Variants in WDR41 observed in about 807,000 individuals in gnomAD.
The protein encoded by WDR41 is WD repeat-containing protein 41.
A neutral mutation model predicts 69.3 loss-of-function variants in WDR41; 63 were observed. The observed-to-expected ratio is 0.91, with a 90% CI of 0.74 to 1.12. The LOEUF (loss-of-function observed/expected upper bound fraction) is 1.12. Among genes scored for constraint, WDR41 ranks in the 50% most tolerant of loss-of-function variants. The pLI, the probability that WDR41 is intolerant of heterozygous loss-of-function variation, is 0.00. For missense variants in WDR41, 543 were observed against 534.5 expected (o/e 1.02, Z -0.16); for synonymous variants, 185 against 192.1 (o/e 0.96, Z 0.31).
intron 1 of WDR41, among the ~76,000 whole-genome samples, chr5:77,543,448 T>C (rs148597482): frequency 2.6e-5 from 4 of 151,418 alleles, no homozygotes; most frequent in Non-Finnish European, 4.4e-5. Context: ...ATAGATAGCA[T>C]AAATAAAAAA....
intron 1 of WDR41, among the ~76,000 whole-genome samples, chr5:77,513,684 A>G (rs1329982599): frequency 1.3e-5 from 2 of 152,178 alleles, no homozygotes; most frequent in African/African-American, 2.4e-5. Flanking sequence ...AAATTTAAAC[A>G]TGTTTTAACC....
At chr5:77,594,142 A>G (rs1744177002) in intron 1 of WDR41, among the ~76,000 whole-genome samples, 1 of 151,902 alleles carries the variant, frequency 6.6e-6, no homozygotes, top group African/African-American at 2.4e-5. Context: ...GGAAACCATC[A>G]TTCTCAGCAA....
At chr5:77,493,406 A>T (rs183452540), upstream of WDR41, among the ~76,000 whole-genome samples, 1 of 152,210 alleles carries the variant, frequency 6.6e-6, no homozygotes, top group Admixed American at 6.5e-5. Flanking sequence ...GCAGAAAGGA[A>T]TCACATAAAA....
Position 77,436,271 on chromosome 5 carries a change from GAT to G in WDR41, c.1215_1216del (p.Ser406IlefsTer9). 1 of 1,613,824 alleles carries G rather than the reference GAT, an allele frequency of 6.2e-7. No homozygotes were observed. Among genetic ancestry groups the G allele is most frequent in the Non-Finnish European group, 8.5e-7 (1 of 1,179,800 alleles). ...GCTAAACAGCAATACCTCCACAGATGATGAGTGTCCAATCAAATCTCCAATAA... is the reference window on the plus strand; with the variant it reads ...GCTAAACAGCAATACCTCCACAGATGGAGTGTCCAATCAAATCTCCAATAA... On this transcript the variant is annotated frameshift_variant, in exon 12 of 13. Transcript: ENST00000296679. LOFTEE classifies it high-confidence loss of function.
upstream of WDR41, among the ~76,000 whole-genome samples, chr5:77,492,849 C>G (rs996895973): frequency 6.6e-6 from 1 of 152,120 alleles, no homozygotes; most frequent in African/African-American, 2.4e-5. Flanking sequence ...TCATGGTAAA[C>G]CTATATCCTC....
At chr5:77,584,421 A>G (rs979471775) in intron 1 of WDR41, among the ~76,000 whole-genome samples, 2 of 152,224 alleles carry the variant, frequency 1.3e-5, no homozygotes, top group African/African-American at 4.8e-5. Flanking sequence ...TTGTATTTTT[A>G]TACCCTTGCA....
intron 1 of WDR41, chr5:77,583,189 T>TA (rs58456813): frequency 0.057 from 31,654 of 554,130 alleles, no homozygotes; most frequent in East Asian, 0.073. Context: ...CAAATTGAAA[T>TA]AAAAAAAAAA....
chr5:77,522,055 A>G (rs947952275), intron 1 of WDR41, among the ~76,000 whole-genome samples: 13 of 152,186 alleles, frequency 8.5e-5, no homozygotes, highest in African/African-American at 2.9e-4. Flanking sequence ...TAGAAGAATC[A>G]ATGGAACTTC....
In WDR41 at chr5:77,490,115, C is replaced by T. The variant is rs896821852; in HGVS notation, c.52-543G>A. On this transcript the variant is annotated intron_variant, in intron 1 of 12. Transcript: ENST00000296679. ...GGCTAGAGAATTTTTTTTTTTCGCACCACACGCCCAACTAATTTTTGTATT... is the reference window on the plus strand; with the variant it reads ...GGCTAGAGAATTTTTTTTTTTCGCATCACACGCCCAACTAATTTTTGTATT... Among the ~76,000 whole-genome samples, 3 of 86,662 alleles carry T rather than the reference C, an allele frequency of 3.5e-5. No homozygotes were observed. The Admixed American group carries it at 3.8e-4, about 11-fold the overall frequency. The allele number at this position is 86,662 out of a possible 152,430, so 56.9% of individuals were successfully genotyped here.
At chr5:77,488,762 A>C (rs571791789) in intron 2 of WDR41, among the ~76,000 whole-genome samples, 1 of 152,302 alleles carries the variant, frequency 6.6e-6, no homozygotes, top group South Asian at 2.1e-4. Flanking sequence ...TGAATAAGAA[A>C]AACATAGCCT....
chr5:77,445,677 A>G (rs1018580799), intron 8 of WDR41, among the ~76,000 whole-genome samples: 3 of 152,340 alleles, frequency 2.0e-5, no homozygotes, highest in Non-Finnish European at 4.4e-5. Context: ...CAAAAACCAC[A>G]TGATTATCTT....
intron 7 of WDR41, among the ~76,000 whole-genome samples, chr5:77,450,322 ACTT>A (rs1799575182): frequency 6.6e-6 from 1 of 152,214 alleles, no homozygotes; most frequent in South Asian, 2.1e-4. Flanking sequence ...GACATAAGCA[ACTT>A]CTTTTTTAAA....
rs373438966 is a variant in WDR41, at chr5:77,554,392, T to C, written c.43-64820A>G. Among the ~76,000 whole-genome samples the C allele has an allele frequency of 2.2e-4, 34 of 152,028 alleles. No homozygotes were observed. In the East Asian group the frequency reaches 6.2e-3, roughly 28 times the overall value. On this transcript the variant is annotated intron_variant, in intron 1 of 5. Coordinates refer to the WDR41 transcript ENST00000509971. ...ATTAGAAAGTGGGACCTTTGGGAGGTGATTAGGTCATAATGGTAGAGCCCT... is the reference window on the plus strand; with the variant it reads ...ATTAGAAAGTGGGACCTTTGGGAGGCGATTAGGTCATAATGGTAGAGCCCT...
intron 1 of WDR41, among the ~76,000 whole-genome samples, chr5:77,524,172 C>A (rs1268132904): frequency 6.6e-6 from 1 of 152,094 alleles, no homozygotes; most frequent in Admixed American, 6.5e-5. Context: ...GTGTAGTTAA[C>A]AAATAAAAAT....
chr5:77,512,351 AGTGAGTGT>A (rs1287770219), intron 1 of WDR41, among the ~76,000 whole-genome samples: 2 of 120,244 alleles, frequency 1.7e-5, no homozygotes, highest in African/African-American at 3.2e-5. Flanking sequence ...AGAGAGAGAG[AGTGAGTGT>A]GTGTGTGTGT....
At chr5:77,616,931 A>G (rs1263836531) in intron 1 of WDR41, among the ~76,000 whole-genome samples, 1 of 152,196 alleles carries the variant, frequency 6.6e-6, no homozygotes, top group Non-Finnish European at 1.5e-5. Context: ...ATTAAAATCT[A>G]GATAGAAATC....
At chr5:77,529,748 C>A (rs1055013330) in intron 1 of WDR41, among the ~76,000 whole-genome samples, 1 of 151,396 alleles carries the variant, frequency 6.6e-6, no homozygotes, top group African/African-American at 2.4e-5. Flanking sequence ...TGAAAAATAG[C>A]AGCTCATAGA....
chr5:77,517,071 A>G (rs1262249676), intron 1 of WDR41, among the ~76,000 whole-genome samples: 1 of 152,118 alleles, frequency 6.6e-6, no homozygotes, highest in African/African-American at 2.4e-5. Flanking sequence ...AATGTTTTCC[A>G]GAAGTTGCCA....
intron 8 of WDR41, among the ~76,000 whole-genome samples, chr5:77,444,569 G>A (rs1000582683): frequency 2.0e-5 from 3 of 152,140 alleles, no homozygotes; most frequent in African/African-American, 7.2e-5. Context: ...CAATTCTAAG[G>A]TTGCCCTGGG....
Sources: allele counts gnomAD v4.1 joint callset (sites outside exome capture counted in the v4.1 genomes callset), GRCh38; gene constraint gnomAD v4.1.1; transcripts MANE v1.5; gene names NCBI Gene and HGNC (gene_info 2026-07-23, HGNC 2026-07-21).